The following TAFA2 variants were observed in gnomAD, a reference collection of about 807,000 sequenced individuals.
TAFA2 encodes the protein chemokine-like protein TAFA-2.
A neutral mutation model predicts 18.8 loss-of-function variants in TAFA2; 7 were observed. That is an observed-to-expected ratio of 0.37 (90% CI 0.21 to 0.70). TAFA2 has a LOEUF of 0.70. Among genes scored for constraint, TAFA2 ranks in the 30% least tolerant of loss-of-function variants. The pLI is 0.53. For missense variants in TAFA2, 122 were observed against 158.1 expected (o/e 0.77, Z 1.23); for synonymous variants, 60 against 54.2 (o/e 1.11, Z -0.47).
At chr12:62,136,087 G>A (rs1389935401) in intron 1 of TAFA2, 1 of 152,014 alleles carries the variant, frequency 6.6e-6, no homozygotes, top group Non-Finnish European at 1.5e-5. Context: ...CAATTCATTG[G>A]CTTGCACACA....
intron 1 of TAFA2, among the ~76,000 whole-genome samples, chr12:62,224,339 T>G (rs2062777153): frequency 6.6e-6 from 1 of 152,146 alleles, no homozygotes; most frequent in Admixed American, 6.5e-5. Context: ...AATAGAAATT[T>G]ATTTCTTACA....
chr12:61,879,911 G>T, intron 1 of TAFA2: 1 of 908,798 alleles, frequency 1.1e-6, no homozygotes, highest in Non-Finnish European at 1.8e-6. Flanking sequence ...TGTCCTCATC[G>T]AGAAGGATGT....
chr12:61,758,453 T>G (rs569694939), intron 2 of TAFA2, among the ~76,000 whole-genome samples: 2 of 152,116 alleles, frequency 1.3e-5, no homozygotes, highest in African/African-American at 4.8e-5. Context: ...GGGTTGACAT[T>G]AGATTTGTGT....
chr12:61,787,918 A>G (rs1870804934), intron 2 of TAFA2, among the ~76,000 whole-genome samples: 1 of 151,700 alleles, frequency 6.6e-6, no homozygotes, highest in Non-Finnish European at 1.5e-5. Flanking sequence ...GGTCAAATGG[A>G]TAAAAAACAA....
intron 4 of TAFA2, among the ~76,000 whole-genome samples, chr12:61,723,731 G>T (rs143044305): frequency 1.3e-5 from 2 of 152,132 alleles, no homozygotes; most frequent in South Asian, 4.2e-4. Flanking sequence ...TGCTCTAATT[G>T]GTATTAGACT....
chr12:62,152,265 T>C (rs1269798661), intron 1 of TAFA2, among the ~76,000 whole-genome samples: 1 of 152,188 alleles, frequency 6.6e-6, no homozygotes, highest in Admixed American at 6.6e-5. Flanking sequence ...AAAATGAATA[T>C]GATTTTCTGC....
At chr12:61,738,326 CACA>C (rs1565756823) in intron 4 of TAFA2, among the ~76,000 whole-genome samples, 25 of 147,850 alleles carry the variant, frequency 1.7e-4, no homozygotes, top group African/African-American at 5.6e-4. Context: ...CACACACACA[CACA>C]AACCTAGCTC....
chr12:61,997,808 T>C (rs1003638294), intron 1 of TAFA2, among the ~76,000 whole-genome samples: 2 of 152,104 alleles, frequency 1.3e-5, no homozygotes, highest in Admixed American at 1.3e-4. Context: ...TTTTGGATTT[T>C]TTTTTTCAAA....
chr12:61,905,394 A>C (rs2121327858), intron 1 of TAFA2, among the ~76,000 whole-genome samples: 1 of 152,282 alleles, frequency 6.6e-6, no homozygotes, highest in South Asian at 2.1e-4. Flanking sequence ...TATTACCCTA[A>C]CATCAAGATT....
chr12:62,055,780 A>G (rs1882172852), intron 1 of TAFA2, among the ~76,000 whole-genome samples: 1 of 152,178 alleles, frequency 6.6e-6, no homozygotes, highest in Non-Finnish European at 1.5e-5. Context: ...AAAAATACAA[A>G]AGAATAGAGA....
chr12:62,128,802 T>C (rs990117854), intron 1 of TAFA2, among the ~76,000 whole-genome samples: 2 of 152,080 alleles, frequency 1.3e-5, no homozygotes, highest in African/African-American at 2.4e-5. Context: ...CACCTCATAA[T>C]TGAAAACGTA....
chr12:62,222,543 T>G (rs918688772), intron 1 of TAFA2, among the ~76,000 whole-genome samples: 2 of 152,108 alleles, frequency 1.3e-5, no homozygotes, highest in Non-Finnish European at 2.9e-5. Context: ...AGTCTTGCTC[T>G]GTCGCCCAGG....
At chr12:61,829,167 T>C (rs1383338497) in intron 2 of TAFA2, among the ~76,000 whole-genome samples, 2 of 148,374 alleles carry the variant, frequency 1.3e-5, no homozygotes, top group Admixed American at 6.7e-5. Context: ...TGGACACTTA[T>C]AAGAATATAA....
chr12:61,879,321 T>C lies in TAFA2; in HGVS notation c.-1-11895A>G, dbSNP rs1875006796. The C allele has an allele frequency of 1.5e-5, 8 of 524,254 alleles. No homozygotes were observed. In the South Asian group the frequency reaches 2.2e-4, roughly 14 times the overall value. The allele number at this position is 524,254 out of a possible 1,614,324, so 32.5% of individuals were successfully genotyped here. A position where few individuals can be genotyped will look rare whatever the true frequency, so the allele number is the denominator to read the frequency against. ...TGCTTCCACTCCTGCCTCCACCATG[T>C]CCATCAAGGTGATCCAGAAGTCCTA... On this transcript the variant is annotated intron_variant, in intron 1 of 4. Transcript: ENST00000416284.
chr12:62,072,367 G>C (rs1027787559), intron 1 of TAFA2, among the ~76,000 whole-genome samples: 1 of 152,072 alleles, frequency 6.6e-6, no homozygotes, highest in East Asian at 1.9e-4. Flanking sequence ...TACCGAGGAG[G>C]CTGAGGCAGG....
chr12:62,115,980 T>C (rs1275185603), intron 1 of TAFA2, among the ~76,000 whole-genome samples: 1 of 152,154 alleles, frequency 6.6e-6, no homozygotes, highest in African/African-American at 2.4e-5. Flanking sequence ...GAAAGTCATA[T>C]GGAGAGAAAA....
intron 1 of TAFA2, among the ~76,000 whole-genome samples, chr12:61,901,474 TC>T (rs1876097901): frequency 6.6e-6 from 1 of 151,922 alleles, no homozygotes; most frequent in African/African-American, 2.4e-5. Flanking sequence ...ATCCTATTCT[TC>T]AACTTTGTAG....
chr12:61,933,496 G>C (rs574486377), intron 1 of TAFA2, among the ~76,000 whole-genome samples: 7 of 152,098 alleles, frequency 4.6e-5, no homozygotes, highest in Non-Finnish European at 1.0e-4. Flanking sequence ...AAAACTGCTT[G>C]AGACCACAAA....
chr12:61,921,711 A>C (rs780847592), intron 1 of TAFA2, among the ~76,000 whole-genome samples: 3 of 152,196 alleles, frequency 2.0e-5, no homozygotes, highest in East Asian at 3.9e-4. Flanking sequence ...AAATAATCTG[A>C]ATACAAACAC....
Sources: allele counts gnomAD v4.1 joint callset (sites outside exome capture counted in the v4.1 genomes callset), GRCh38; gene constraint gnomAD v4.1.1; transcripts MANE v1.5; gene names NCBI Gene and HGNC (gene_info 2026-07-23, HGNC 2026-07-21).